Variants in NAV2 observed in about 807,000 individuals in gnomAD.
NAV2 encodes the protein neuron navigator 2.
Under a neutral mutation model 223.2 loss-of-function variants are expected in NAV2, and 54 were observed. The ratio of observed to expected loss-of-function variants is 0.24; its 90% confidence interval spans 0.19 to 0.30. NAV2 has a LOEUF of 0.30. Among genes scored for constraint, NAV2 ranks in the 10% least tolerant of loss-of-function variants. The pLI, the probability that NAV2 is intolerant of heterozygous loss-of-function variation, is 1.00. For synonymous variants in NAV2, 1,279 were observed against 1,239.3 expected, an observed-to-expected ratio of 1.03 and a Z score of -0.67; for missense variants, 2,806 against 3,147.5, an observed-to-expected ratio of 0.89 and a Z score of 2.60.
At chr11:19,497,243 G>A (rs1323191984) in intron 1 of NAV2, among the ~76,000 whole-genome samples, 1 of 152,200 alleles carries the variant, frequency 6.6e-6, no homozygotes, top group Non-Finnish European at 1.5e-5. Context: ...TTGTTATGAG[G>A]ATTGAATGAG....
chr11:19,387,368 G>C (rs2702684), intron 1 of NAV2, among the ~76,000 whole-genome samples: 9,934 of 152,056 alleles, frequency 0.065, 1,068 homozygotes, highest in African/African-American at 0.23. Flanking sequence ...GGCATTCCGA[G>C]AAAGGGCTGC....
At chr11:19,570,259 G>C (rs1022937107) in intron 1 of NAV2, among the ~76,000 whole-genome samples, 1 of 152,268 alleles carries the variant, frequency 6.6e-6, no homozygotes, top group East Asian at 1.9e-4. Context: ...TAAATGCCCT[G>C]ACCCTTAGTC....
intron 16 of NAV2, among the ~76,000 whole-genome samples, chr11:20,050,528 T>G (rs1591850466): frequency 7.4e-6 from 1 of 135,758 alleles, no homozygotes; most frequent in Admixed American, 7.9e-5. Flanking sequence ...TGTGGGGGAG[T>G]GATGACCTGG....
chr11:19,868,881 G>A, intron 3 of NAV2, 44 bp from the exon 4 acceptor site: 1 of 1,594,928 alleles, frequency 6.3e-7, no homozygotes, highest in South Asian at 1.1e-5. Flanking sequence ...GCTCTGGAGA[G>A]GCTGAACATT....
chr11:19,585,693 G>A (rs936799415), intron 1 of NAV2, among the ~76,000 whole-genome samples: 25 of 152,354 alleles, frequency 1.6e-4, no homozygotes, highest in Non-Finnish European at 1.3e-4. Flanking sequence ...CTTTAAGAAT[G>A]TTGAATAATT....
At chr11:19,999,670 C>A (rs1251953305) in intron 11 of NAV2, among the ~76,000 whole-genome samples, 1 of 152,164 alleles carries the variant, frequency 6.6e-6, no homozygotes. Context: ...CGCACTGGGC[C>A]AGGAAAAATG....
chr11:20,102,664 GC>G (rs1448963252), intron 32 of NAV2, among the ~76,000 whole-genome samples: 1 of 152,114 alleles, frequency 6.6e-6, no homozygotes, highest in African/African-American at 2.4e-5. Context: ...TGCCGTTTCA[GC>G]CTTTTCCACT....
chr11:19,659,990 T>C (rs1355494425), intron 1 of NAV2, among the ~76,000 whole-genome samples: 1 of 152,140 alleles, frequency 6.6e-6, no homozygotes, highest in Non-Finnish European at 1.5e-5. Context: ...CTATTAATAC[T>C]AGTCTATTGA....
chr11:20,063,226 C>T (rs2058819292), intron 20 of NAV2, among the ~76,000 whole-genome samples: 1 of 152,102 alleles, frequency 6.6e-6, no homozygotes, highest in African/African-American at 2.4e-5. Flanking sequence ...GAATATAGTA[C>T]ACACAGCTCA....
Position 19,688,711 on chromosome 11 carries a change from G to T in NAV2, c.76-143773G>T, listed in dbSNP as rs941724261. On this transcript the variant is annotated intron_variant, in intron 1 of 37. Coordinates refer to the NAV2 transcript ENST00000360655. ...TACTAAGAGAGCTTTTGTGGGCAAG[G>T]CTGAGAGATTCTGAACAAAGGAGTA... 4.6e-5 allele frequency among the ~76,000 whole-genome samples: 7 copies of T among 152,160 alleles called. No homozygotes were observed. In the East Asian group the frequency reaches 1.2e-3, roughly 25 times the overall value.
intron 1 of NAV2, among the ~76,000 whole-genome samples, chr11:19,397,632 G>T (rs1196638630): frequency 2.0e-5 from 3 of 151,978 alleles, no homozygotes; most frequent in Non-Finnish European, 2.9e-5. Context: ...AACAAGTATT[G>T]GTTTTATAAT....
intron 1 of NAV2, among the ~76,000 whole-genome samples, chr11:19,590,393 C>A (rs890248123): frequency 1.3e-5 from 2 of 152,150 alleles, no homozygotes; most frequent in African/African-American, 2.4e-5. Context: ...AGACCCTGAG[C>A]CTTGCCACTT....
Position 19,858,077 on chromosome 11 carries a change from C to T in NAV2, c.439-10848C>T, listed in dbSNP as rs375197402. Reference sequence around the variant, plus strand: ...TTCACCGTGTTAGCCAGGATGGTCTCGATCTCCTGACCTTGTGATCCACCT... The same window carrying T: ...TTCACCGTGTTAGCCAGGATGGTCTTGATCTCCTGACCTTGTGATCCACCT... On this transcript the variant is annotated intron_variant, in intron 3 of 37. Coordinates refer to ENST00000349880, the MANE Select transcript of NAV2 (RefSeq NM_145117.5). Among the ~76,000 whole-genome samples the T allele has an allele frequency of 6.0e-4, 92 of 152,250 alleles. 1 individual carries two copies. In the South Asian group the frequency reaches 0.018, roughly 30 times the overall value.
chr11:19,800,687 G>A (rs2058197513), intron 1 of NAV2, among the ~76,000 whole-genome samples: 1 of 151,808 alleles, frequency 6.6e-6, no homozygotes, highest in African/African-American at 2.4e-5. Context: ...GTGTGTGTGT[G>A]TGTGTGTGTG....
intron 1 of NAV2, among the ~76,000 whole-genome samples, chr11:19,426,994 A>G (rs749973546): frequency 3.3e-5 from 5 of 152,186 alleles, no homozygotes; most frequent in Non-Finnish European, 7.3e-5. Context: ...GAAAAACACA[A>G]ATTAAATCCC....
intron 1 of NAV2, among the ~76,000 whole-genome samples, chr11:19,672,141 C>G (rs1478663980): frequency 1.3e-5 from 2 of 152,174 alleles, no homozygotes; most frequent in African/African-American, 2.4e-5. Flanking sequence ...GGGACCAGCA[C>G]TACATCTCCT....
chr11:19,798,760 A>G (rs2058066724), intron 1 of NAV2, among the ~76,000 whole-genome samples: 1 of 152,170 alleles, frequency 6.6e-6, no homozygotes, highest in South Asian at 2.1e-4. Flanking sequence ...CTGATATATT[A>G]TGTAACTTGC....
At position 19,755,697 on chromosome 11, in the gene NAV2, T is replaced by G. The variant is rs1027399893; in HGVS notation, c.267+41735T>G. ...ATGGTGTTCTTCTCTTCGTGTCTCC[T>G]GTATCTTCACATAGCCTTGTTATAA... On this transcript the variant is annotated intron_variant, in intron 1 of 37. Transcript: ENST00000349880. Among the ~76,000 whole-genome samples the G allele has an allele frequency of 1.3e-5, 2 of 152,192 alleles. 1 individual carries two copies. Among genetic ancestry groups the G allele is most frequent in the Admixed American group, 1.3e-4 (2 of 15,288 alleles).
chr11:19,670,673 T>A (rs2048552270), intron 1 of NAV2, among the ~76,000 whole-genome samples: 1 of 152,048 alleles, frequency 6.6e-6, no homozygotes, highest in South Asian at 2.1e-4. Flanking sequence ...AATTGCTTGG[T>A]CCCTCCACAC....
Sources: gnomAD v4.1 joint callset for allele counts (sites outside exome capture counted in the v4.1 genomes callset) on GRCh38, gnomAD v4.1.1 for gene constraint, MANE v1.5 for transcripts, NCBI Gene and HGNC (gene_info 2026-07-23, HGNC 2026-07-21) for gene names.